The following WDSUB1 variants were observed in gnomAD, a reference collection of about 807,000 sequenced individuals.
WDSUB1 encodes the protein WD repeat, sterile alpha motif and U-box domain containing 1, also known as WD repeat, SAM and U-box domain-containing protein 1.
In WDSUB1, 49 loss-of-function variants were observed where a neutral mutation model predicts 53.9. That is an observed-to-expected ratio of 0.91 (90% CI 0.72 to 1.15). The LOEUF is 1.15. WDSUB1 is among the 50% of genes most tolerant of loss of function. The probability of loss-of-function intolerance (pLI) is 0.00; values close to 1 mark genes in which losing one functional copy is unlikely to be tolerated. For missense variants in WDSUB1, 514 were observed against 562.0 expected (o/e 0.91, Z 0.86); for synonymous variants, 194 against 200.6 (o/e 0.97, Z 0.28).
In WDSUB1 at chr2:159,236,204, A is replaced by T. The variant is rs781761615; in HGVS notation, c.1274-14T>A. 3.8e-6 allele frequency: 6 copies of T among 1,579,072 alleles called. No homozygotes were observed. Among genetic ancestry groups the T allele is most frequent in the Non-Finnish European group, 5.2e-6 (6 of 1,161,400 alleles). On this transcript the variant is annotated splice_polypyrimidine_tract_variant and intron_variant, in intron 10 of 10. Coordinates refer to ENST00000359774, the MANE Select transcript of WDSUB1 (RefSeq NM_001128212.3). ...ATGAATAGCCATCTAAAAAAAAAAA[A>T]TCACACAAATTACATGATGTAGGAA...
In WDSUB1 at chr2:159,282,947, G is replaced by C. The variant is rs772999467; in HGVS notation, c.123C>G (p.Asp41Glu). 16 of 1,614,084 alleles carry C rather than the reference G, an allele frequency of 9.9e-6. No homozygotes were observed. The East Asian group carries it at 3.3e-4, about 34-fold the overall frequency. The change falls in exon 2 of 11, where the codon GAC becomes GAG. Residue 41 changes from aspartate to glutamate, a missense_variant. By Grantham distance (45) the Asp-to-Glu change is conservative. Coordinates refer to ENST00000359774, the MANE Select transcript of WDSUB1 (RefSeq NM_001128212.3). Reference sequence around the variant, plus strand: ...ATGGAGAATGTGGCAGTTCAGTAAAGTCACGTAACGAGTACAGGCGAATTG... The same window carrying C: ...ATGGAGAATGTGGCAGTTCAGTAAACTCACGTAACGAGTACAGGCGAATTG... ...DKTIRLYSLR[D>E]FTELPHSPLK...
At chr2:159,239,515 A>C (rs193075380) in intron 10 of WDSUB1, among the ~76,000 whole-genome samples, 1 of 130,530 alleles carries the variant, frequency 7.7e-6, no homozygotes, top group East Asian at 3.0e-4. Flanking sequence ...GTGGGGGGGC[A>C]AGGGGTGGCT....
At position 159,282,760 on chromosome 2, in the gene WDSUB1, G is replaced by A. The variant is rs911295872; in HGVS notation, c.310C>T (p.Gln104Ter). ...AAACACGTGGAGTCTGGGGAAAACT[G>A]GCAAACCCTCACAGGGCTGCCACTA... Reference protein sequence around the residue: ...QPSGSPVRVCQFSPDSTCLAS... With the variant: ...QPSGSPVRVC The change falls in exon 2 of 11, where the codon CAG becomes TAG. Residue 104 changes from glutamine to a stop codon, truncating the protein, a stop_gained. Coordinates refer to ENST00000359774, the MANE Select transcript of WDSUB1 (RefSeq NM_001128212.3). LOFTEE classifies it high-confidence loss of function. 1.2e-6 allele frequency: 2 copies of A among 1,614,036 alleles called. No homozygotes were observed. Among genetic ancestry groups the A allele is most frequent in the African/African-American group, 2.7e-5 (2 of 74,902 alleles).
chr2:159,256,375 G>A lies in WDSUB1; in HGVS notation c.953C>T (p.Ala318Val). The change falls in exon 9 of 11, where the codon GCA becomes GTA. Residue 318 changes from alanine to valine, a missense_variant and splice_region_variant. Ala to Val is a moderately conservative substitution (Grantham distance 64). Transcript: ENST00000359774. ...CTTCAGCTGATGTTCTGTGCGCCTT[G>A]CTTAAAATAAACAAACAAGTAAGTG... ...WQFDLETLCQ[A>V]RRTEHQLKQF... 6.2e-7 allele frequency: 1 copy of A among 1,601,998 alleles called. No homozygotes were observed. Among genetic ancestry groups the A allele is most frequent in the Middle Eastern group, 1.7e-4 (1 of 6,028 alleles).
chr2:159,284,974 T>C (rs1452375874), intron 1 of WDSUB1, among the ~76,000 whole-genome samples: 1 of 152,174 alleles, frequency 6.6e-6, no homozygotes, highest in Non-Finnish European at 1.5e-5. Flanking sequence ...AGAGACGGTT[T>C]CCCTATTTAA....
Position 159,235,962 on chromosome 2 carries a change from C to G in WDSUB1, c.*71G>C. ...TTTCCTGTTTTGCTTTTAATAATGT[C>G]TGATTAGTATTTACCTATAAATCAT... On this transcript the variant is annotated 3_prime_UTR_variant, in exon 11 of 11. Transcript: ENST00000359774. The G allele has an allele frequency of 1.5e-6, 2 of 1,334,332 alleles. No homozygotes were observed. Among genetic ancestry groups the G allele is most frequent in the South Asian group, 4.3e-5 (2 of 46,168 alleles). The allele number at this position is 1,334,332 out of a possible 1,614,324, so 82.7% of individuals were successfully genotyped here.
chr2:159,241,461 C>T (rs1039134828), intron 10 of WDSUB1, among the ~76,000 whole-genome samples: 1 of 152,010 alleles, frequency 6.6e-6, no homozygotes, highest in Non-Finnish European at 1.5e-5. Context: ...ACTAGGGAGG[C>T]TGAGGCAGGA....
chr2:159,275,707 T>C, intron 3 of WDSUB1, 69 bp from the exon 4 acceptor site: 1 of 1,217,298 alleles, frequency 8.2e-7, no homozygotes, highest in Non-Finnish European at 1.2e-6. Context: ...TTCCCATTTC[T>C]TATACTAAGA....
At chr2:159,248,642 G>T in intron 9 of WDSUB1, 130 bp from the exon 10 acceptor site, 1 of 1,112,738 alleles carries the variant, frequency 9.0e-7, no homozygotes, top group Non-Finnish European at 1.2e-6. Flanking sequence ...TCACTCTTTT[G>T]CCCAGGCTGG....
intron 5 of WDSUB1, among the ~76,000 whole-genome samples, chr2:159,260,565 T>C (rs952573821): frequency 4.6e-5 from 7 of 152,216 alleles, no homozygotes; most frequent in African/African-American, 1.7e-4. Context: ...TGTATATATG[T>C]TTTGATTATG....
chr2:159,260,294 G>C (rs1384560713), intron 5 of WDSUB1, among the ~76,000 whole-genome samples: 1 of 151,448 alleles, frequency 6.6e-6, no homozygotes. Flanking sequence ...GGCAAAGTGA[G>C]ACTCTATCTC....
In WDSUB1 at chr2:159,265,120, C is replaced by CAAA. The variant is rs1412761195; in HGVS notation, c.771-5278_771-5277insTTT. ...AAAAATAAAACAACAACAACAACAA[C>CAAA]AACAAAAAAAAACAACTCCTAACTG... On this transcript the variant is annotated intron_variant, in intron 5 of 10. Transcript: ENST00000359774. Among the ~76,000 whole-genome samples the CAAA allele has an allele frequency of 4.2e-3, 623 of 146,594 alleles. 13 individuals carry two copies. The highest frequency in any genetic ancestry group is 0.015 in the African/African-American group (595 of 39,528).
chr2:159,275,507 C>T, intron 4 of WDSUB1, 39 bp downstream of exon 4: 2 of 1,475,052 alleles, frequency 1.4e-6, no homozygotes, highest in Non-Finnish European at 1.8e-6. Flanking sequence ...TTATCCAGAC[C>T]ACAAATAATT....
chr2:159,256,253 CA>C lies in WDSUB1; in HGVS notation c.1074del (p.Ile358MetfsTer7), dbSNP rs2061059114. ...GTAAGATTCAACAGTTCTTTTCCAT[CA>C]ATGTTATTCATCTTGAAAATACCAA... The part of the protein sequence containing the change: ...DLVGIFKMNN[I>X]DGKELLNLTK... On this transcript the variant is annotated frameshift_variant, in exon 9 of 11. Coordinates refer to ENST00000359774, the MANE Select transcript of WDSUB1 (RefSeq NM_001128212.3). LOFTEE classifies it high-confidence loss of function. The C allele has an allele frequency of 6.2e-7, 1 of 1,610,848 alleles. No homozygotes were observed. The highest frequency in any genetic ancestry group is 1.3e-5 in the African/African-American group (1 of 74,750).
At chr2:159,273,910 TAC>T (rs2151134265) in intron 4 of WDSUB1, among the ~76,000 whole-genome samples, 1 of 152,266 alleles carries the variant, frequency 6.6e-6, no homozygotes, top group African/African-American at 2.4e-5. Context: ...ACAACAAAAA[TAC>T]AGTTTGTCAT....
intron 5 of WDSUB1, among the ~76,000 whole-genome samples, chr2:159,269,738 C>T (rs937286619): frequency 6.6e-6 from 1 of 152,176 alleles, no homozygotes; most frequent in Non-Finnish European, 1.5e-5. Context: ...TTGTAATTCA[C>T]TCCACTAACA....
At chr2:159,285,131 C>T (rs2061759552) in intron 1 of WDSUB1, among the ~76,000 whole-genome samples, 1 of 152,174 alleles carries the variant, frequency 6.6e-6, no homozygotes, top group Admixed American at 6.5e-5. Flanking sequence ...TGTATCCACA[C>T]CATGTAAAAC....
chr2:159,247,904 TATATAAATATATATATATATATAA>T (rs1173290876), intron 10 of WDSUB1, among the ~76,000 whole-genome samples: 1 of 37,882 alleles, frequency 2.6e-5, no homozygotes, highest in Non-Finnish European at 1.1e-4. Flanking sequence ...TATATATATA[TATATAAATATATATATATATATAA>T]ATATATATAT....
At position 159,257,819 on chromosome 2, in the gene WDSUB1, A is replaced by C. The variant is rs1416888415; in HGVS notation, c.891T>G (p.Ala297=). The change falls in exon 8 of 11, where the codon GCT becomes GCG. Residue 297 remains alanine (A), a synonymous_variant. Coordinates refer to ENST00000359774, the MANE Select transcript of WDSUB1 (RefSeq NM_001128212.3). The part of the protein sequence containing the change: ...CAFAPNTLLL[A]TGSMDKTVNI... ...TCACTGTTTTGTCCATTGAACCAGT[A>C]GCAAGTAAAAGGGTATTAGGTGCAA... is the stretch of plus-strand genomic sequence containing the variant. The C allele has an allele frequency of 1.9e-6, 3 of 1,614,256 alleles. No individual in the cohort carries two copies. The highest frequency in any genetic ancestry group is 2.5e-6 in the Non-Finnish European group (3 of 1,180,044).
Sources: gnomAD v4.1 joint callset for allele counts (sites outside exome capture counted in the v4.1 genomes callset) on GRCh38, gnomAD v4.1.1 for gene constraint, MANE v1.5 for transcripts, NCBI Gene and HGNC (gene_info 2026-07-23, HGNC 2026-07-21) for gene names.